ADAMTS9: variants seen among roughly 807,000 people sequenced by gnomAD.
ADAMTS9 encodes the protein A disintegrin and metalloproteinase with thrombospondin motifs 9.
Under a neutral mutation model 257.1 loss-of-function variants are expected in ADAMTS9, and 107 were observed. That is an observed-to-expected ratio of 0.42 (90% CI 0.36 to 0.49). ADAMTS9 has a LOEUF of 0.49. ADAMTS9 is among the 20% of genes least tolerant of loss of function. The pLI is 0.03. For missense variants in ADAMTS9, 2,353 were observed against 2,469.1 expected (o/e 0.95, Z 1.00); for synonymous variants, 982 against 880.9 (o/e 1.11, Z -2.03).
At position 64,541,430 on chromosome 3, in the gene ADAMTS9, T is replaced by A. The variant is rs149292557; in HGVS notation, c.5293-16A>T. 6.2e-7 allele frequency: 1 copy of A among 1,613,318 alleles called. No homozygotes were observed. The highest frequency in any genetic ancestry group is 1.3e-5 in the African/African-American group (1 of 74,914). Reference sequence around the variant, plus strand: ...CACAGAATATCTGAAAGACCATAAATAACCCATGAAGAGTGGCTCAGAAAT... The same window carrying A: ...CACAGAATATCTGAAAGACCATAAAAAACCCATGAAGAGTGGCTCAGAAAT... On this transcript the variant is annotated splice_polypyrimidine_tract_variant and intron_variant, in intron 34 of 39. Transcript: ENST00000498707.
rs191083437 is a variant in ADAMTS9 at position 64,608,846 on chromosome 3, T to C, written c.3355-1767A>G. 2.0e-5 allele frequency among the ~76,000 whole-genome samples: 3 copies of C among 152,022 alleles called. No homozygotes were observed. In the East Asian group the frequency reaches 5.8e-4, roughly 29 times the overall value. On this transcript the variant is annotated intron_variant, in intron 22 of 39. Coordinates refer to ENST00000498707, the MANE Select transcript of ADAMTS9 (RefSeq NM_182920.2). ...ACAACACACACACACACCAGATTAA[T>C]ATTGCTTATACAGATGTAAAAATCC...
chr3:64,618,110 G>A (rs1700010819), intron 19 of ADAMTS9, among the ~76,000 whole-genome samples: 1 of 152,090 alleles, frequency 6.6e-6, no homozygotes, highest in South Asian at 2.1e-4. Context: ...TGACAAATAG[G>A]CATGATCTTC....
chr3:64,546,424 G>A (rs965590679), intron 32 of ADAMTS9, among the ~76,000 whole-genome samples: 1 of 152,126 alleles, frequency 6.6e-6, no homozygotes, highest in Non-Finnish European at 1.5e-5. Context: ...CTCAATCTGT[G>A]TAAACTCATT....
At chr3:64,624,753 A>G (rs1465155476) in intron 16 of ADAMTS9, among the ~76,000 whole-genome samples, 1 of 152,248 alleles carries the variant, frequency 6.6e-6, no homozygotes, top group Admixed American at 6.5e-5. Context: ...CATGATTAAA[A>G]TGAAGATGTA....
At chr3:64,621,044 T>A in intron 19 of ADAMTS9, 70 bp downstream of exon 19, 1 of 1,532,154 alleles carries the variant, frequency 6.5e-7, no homozygotes. Flanking sequence ...TCCTTTTGCT[T>A]CTCCTGCTGG....
At position 64,594,382 on chromosome 3, in the gene ADAMTS9, C is replaced by T. The variant is rs139134722; in HGVS notation, c.4232G>A (p.Arg1411Gln). The change falls in exon 28 of 40, where the codon CGG (arginine) becomes CAG (glutamine). Residue 1411 changes from arginine to glutamine, a missense_variant. By Grantham distance (43) the Arg-to-Gln change is conservative (BLOSUM62 1). Transcript: ENST00000498707. ...ATCTGGAAACCGTTCACCGTTGGAC[C>T]GCTGACAGACCACCAGTCTTGTTCT... ...GIRTRLVVCQ[R>Q]SNGERFPDLS... 5.5e-5 allele frequency: 88 copies of T among 1,614,056 alleles called. No individual in the cohort carries two copies. Among genetic ancestry groups the T allele is most frequent in the African/African-American group, 2.7e-4 (20 of 75,018 alleles).
intron 38 of ADAMTS9, 53 bp downstream of exon 38, chr3:64,533,113 G>A: frequency 6.6e-7 from 1 of 1,506,434 alleles, no homozygotes; most frequent in Non-Finnish European, 9.2e-7. Context: ...ATAAAGACAA[G>A]AACGAAAGAA....
chr3:64,521,655 T>C (rs2082853659), intron 39 of ADAMTS9: 1 of 152,416 alleles, frequency 6.6e-6, no homozygotes, highest in African/African-American at 2.4e-5. Flanking sequence ...TGGATGCAGC[T>C]GGAGGCAATT....
rs1343477922 is a variant in ADAMTS9, at chr3:64,647,951, C to T, written c.1699G>A (p.Glu567Lys). The T allele has an allele frequency of 6.2e-6, 10 of 1,613,424 alleles. No homozygotes were observed. Among genetic ancestry groups the T allele is most frequent in the East Asian group, 2.2e-5 (1 of 44,870 alleles). The change falls in exon 11 of 40, where the codon GAG (glutamate) becomes AAG (lysine). Residue 567 changes from glutamate (E) to lysine (K), a missense_variant. Glu to Lys is a moderately conservative substitution (Grantham distance 56). Coordinates refer to ENST00000498707, the MANE Select transcript of ADAMTS9 (RefSeq NM_182920.2). ...HTPWADGTEC[E>K]PGKHCKYGFC... ...AGGGCATTACTTGCCTTTCCAGGCT[C>T]GCACTCCGTCCCATCGGCCCAGGGT...
chr3:64,595,570 G>A (rs2084350233), intron 27 of ADAMTS9, among the ~76,000 whole-genome samples: 2 of 152,200 alleles, frequency 1.3e-5, no homozygotes, highest in African/African-American at 4.8e-5. Flanking sequence ...AACTTTGCGA[G>A]GAGGTTTTGG....
chr3:64,614,399 T>G (rs1253345027), intron 21 of ADAMTS9, among the ~76,000 whole-genome samples: 1 of 152,232 alleles, frequency 6.6e-6, no homozygotes, highest in Non-Finnish European at 1.5e-5. Context: ...GTTAATTGAC[T>G]GCCATTTCAG....
At chr3:64,586,040 G>T (rs1020968193) in intron 28 of ADAMTS9, among the ~76,000 whole-genome samples, 1 of 151,990 alleles carries the variant, frequency 6.6e-6, no homozygotes, top group Admixed American at 6.6e-5. Context: ...TGAGATGAGG[G>T]GATTATATCT....
chr3:64,654,885 C>A (rs1260765140), intron 6 of ADAMTS9, among the ~76,000 whole-genome samples: 2 of 152,132 alleles, frequency 1.3e-5, no homozygotes, highest in African/African-American at 4.8e-5. Flanking sequence ...TTCCCAATAC[C>A]CTGGGGTAAA....
At chr3:64,649,991 T>C (rs1020704625) in intron 9 of ADAMTS9, 19 of 522,426 alleles carry the variant, frequency 3.6e-5, no homozygotes, top group Non-Finnish European at 6.3e-5. Flanking sequence ...GAATACAACA[T>C]AGCCAGTAGG....
chr3:64,666,169 A>C (rs972843276), intron 3 of ADAMTS9, among the ~76,000 whole-genome samples: 15 of 152,210 alleles, frequency 9.9e-5, no homozygotes, highest in Non-Finnish European at 2.2e-4. Context: ...GCTTCACTTC[A>C]CGTTGCAATA....
At chr3:64,517,415 G>GTTTT (rs1242670245) in intron 39 of ADAMTS9, among the ~76,000 whole-genome samples, 251 of 11,534 alleles carry the variant, frequency 0.022, 7 homozygotes, top group African/African-American at 0.033. Flanking sequence ...AATTAAAAAT[G>GTTTT]GTTTTTTTTT....
intron 4 of ADAMTS9, 136 bp from the exon 5 acceptor site, chr3:64,656,011 T>A: frequency 1.7e-6 from 1 of 571,762 alleles, no homozygotes; most frequent in Non-Finnish European, 3.1e-6. Context: ...AATTTTTCAT[T>A]CACTCAACAA....
intron 31 of ADAMTS9, among the ~76,000 whole-genome samples, chr3:64,547,816 C>T (rs2083222081): frequency 6.6e-6 from 1 of 152,062 alleles, no homozygotes; most frequent in African/African-American, 2.4e-5. Flanking sequence ...AGAAGAAATA[C>T]ACATCGTTAT....
At chr3:64,578,119 G>A (rs2083900440) in intron 28 of ADAMTS9, among the ~76,000 whole-genome samples, 1 of 152,148 alleles carries the variant, frequency 6.6e-6, no homozygotes, top group African/African-American at 2.4e-5. Flanking sequence ...CCAGAGAAAT[G>A]TATCTCAGCA....
Sources: gnomAD v4.1 joint callset for allele counts (sites outside exome capture counted in the v4.1 genomes callset) on GRCh38, gnomAD v4.1.1 for gene constraint, MANE v1.5 for transcripts, NCBI Gene and HGNC (gene_info 2026-07-23, HGNC 2026-07-21) for gene names.